Variants in ANAPC1 observed in about 807,000 individuals in gnomAD.
ANAPC1 encodes anaphase promoting complex subunit 1.
A neutral mutation model predicts 208.0 loss-of-function variants in ANAPC1; 36 were observed. The ratio of observed to expected loss-of-function variants is 0.17; its 90% CI spans 0.13 to 0.23. ANAPC1 has a LOEUF of 0.23. Ranked by LOEUF, ANAPC1 falls within the 10% of genes least tolerant of loss-of-function variation. The pLI is 1.00. For synonymous variants in ANAPC1, 378 were observed against 695.2 expected (o/e 0.54, Z 7.18); for missense variants, 942 against 2,011.6 (o/e 0.47, Z 10.17).
At chr2:111,832,937 C>CAAAAAAAAAAAA (rs908553180) in intron 20 of ANAPC1, among the ~76,000 whole-genome samples, 7,409 of 53,136 alleles carry the variant, frequency 0.14, 1,845 homozygotes, top group Non-Finnish European at 0.19. Flanking sequence ...GACTCAGTCT[C>CAAAAAAAAAAAA]AAAAAAAAAA....
At chr2:111,874,891 C>T (rs762362950) in intron 3 of ANAPC1, among the ~76,000 whole-genome samples, 2 of 152,114 alleles carry the variant, frequency 1.3e-5, no homozygotes, top group Non-Finnish European at 2.9e-5. Flanking sequence ...GATTCTAGCT[C>T]GCAGCAGCCT....
chr2:111,874,175 A>T (rs1212057423), intron 3 of ANAPC1, among the ~76,000 whole-genome samples: 1 of 152,214 alleles, frequency 6.6e-6, no homozygotes, highest in Non-Finnish European at 1.5e-5. Flanking sequence ...ATAAACTAGG[A>T]AAAGCTATTA....
At chr2:111,880,995 G>C in intron 1 of ANAPC1, 146 bp from the exon 2 acceptor site, 1 of 679,278 alleles carries the variant, frequency 1.5e-6, no homozygotes. Context: ...TAACATAAAA[G>C]GGCATTCTAG....
intron 42 of ANAPC1, among the ~76,000 whole-genome samples, chr2:111,783,410 CTG>C (rs1215975787): frequency 5.7e-4 from 85 of 150,004 alleles, no homozygotes; most frequent in African/African-American, 7.3e-4. Context: ...TTGCACCTCT[CTG>C]TCTCTCTCTT....
chr2:111,862,213 T>C (rs928387596), intron 10 of ANAPC1, among the ~76,000 whole-genome samples, 176 bp downstream of exon 10: 1 of 152,184 alleles, frequency 6.6e-6, no homozygotes, highest in Non-Finnish European at 1.5e-5. Flanking sequence ...CTATGATCAC[T>C]TTAATATCAT....
intron 17 of ANAPC1, among the ~76,000 whole-genome samples, chr2:111,842,110 G>A (rs1680796499): frequency 6.6e-6 from 1 of 152,156 alleles, no homozygotes. Flanking sequence ...GAAAACAACA[G>A]ATTCACAAGG....
At chr2:111,818,594 ACT>A (rs1234618053) in intron 27 of ANAPC1, among the ~76,000 whole-genome samples, 1 of 152,076 alleles carries the variant, frequency 6.6e-6, no homozygotes, top group Admixed American at 6.5e-5. Flanking sequence ...TCTCCAAGTG[ACT>A]TTTTAGATCT....
At chr2:111,864,777 A>G (rs1573495192) in intron 8 of ANAPC1, 29 bp downstream of exon 8, 1 of 1,609,450 alleles carries the variant, frequency 6.2e-7, no homozygotes, top group Non-Finnish European at 8.5e-7. Flanking sequence ...CTTTCCTATT[A>G]AGGAGAAGTG....
intron 20 of ANAPC1, among the ~76,000 whole-genome samples, chr2:111,831,649 C>T (rs1444023584): frequency 1.3e-5 from 2 of 151,608 alleles, no homozygotes; most frequent in Non-Finnish European, 2.9e-5. Flanking sequence ...ACAGCCTGGC[C>T]AATATGGTGA....
chr2:111,830,552 G>A (rs1273011049), intron 21 of ANAPC1, among the ~76,000 whole-genome samples: 4 of 152,056 alleles, frequency 2.6e-5, no homozygotes, highest in Non-Finnish European at 5.9e-5. Context: ...GCTCTTTGAT[G>A]TATTAAGAGA....
chr2:111,845,900 G>A (rs185124256), intron 16 of ANAPC1, among the ~76,000 whole-genome samples: 3,278 of 151,210 alleles, frequency 0.022, 112 homozygotes, highest in African/African-American at 0.074. Flanking sequence ...GCATGAACCC[G>A]GGAGGCGGAG....
rs781223336 is a variant in ANAPC1 at position 111,856,606 on chromosome 2, T to C, written c.1515+8A>G. ...TACTAAAGGCATGAAGTGCTACTTATTGCTTACCCGAACCACTCCTGTGTA... is the reference window on the plus strand; with the variant it reads ...TACTAAAGGCATGAAGTGCTACTTACTGCTTACCCGAACCACTCCTGTGTA... On this transcript the variant is annotated splice_region_variant and intron_variant, in intron 13 of 47. Coordinates refer to ENST00000341068, the MANE Select transcript of ANAPC1 (RefSeq NM_022662.4). 11 of 1,612,196 alleles carry C rather than the reference T, an allele frequency of 6.8e-6. No individual in the cohort carries two copies. Among genetic ancestry groups the C allele is most frequent in the African/African-American group, 2.7e-5 (2 of 74,872 alleles).
chr2:111,863,114 A>G (rs1479003345), intron 9 of ANAPC1, among the ~76,000 whole-genome samples: 7 of 152,190 alleles, frequency 4.6e-5, no homozygotes, highest in Non-Finnish European at 8.8e-5. Flanking sequence ...TGTTGCCCAC[A>G]TAGTGGTAGA....
intron 17 of ANAPC1, among the ~76,000 whole-genome samples, chr2:111,841,853 C>A (rs925784692): frequency 2.0e-5 from 3 of 150,448 alleles, no homozygotes; most frequent in African/African-American, 7.5e-5. Context: ...TTGAAAAAAA[C>A]ATTCCCATTT....
chr2:111,865,837 G>T, intron 7 of ANAPC1: 1 of 189,190 alleles, frequency 5.3e-6, no homozygotes, highest in South Asian at 1.0e-4. Flanking sequence ...TGCCAAAAAG[G>T]GGCACAGCCA....
chr2:111,831,953 C>T (rs1381857031), intron 20 of ANAPC1, among the ~76,000 whole-genome samples: 1 of 148,122 alleles, frequency 6.8e-6, no homozygotes, highest in Admixed American at 6.8e-5. Context: ...TTTTATCCCA[C>T]CCTGGATGGA....
chr2:111,850,462 ACT>A (rs1247979220), intron 14 of ANAPC1, among the ~76,000 whole-genome samples: 1 of 151,866 alleles, frequency 6.6e-6, no homozygotes, highest in East Asian at 1.9e-4. Flanking sequence ...CAACGATGGT[ACT>A]CTCTTTTCCA....
chr2:111,767,106 C>A (rs544191943), downstream of ANAPC1: 1 of 386,506 alleles, frequency 2.6e-6, no homozygotes, highest in Non-Finnish European at 5.3e-6. Flanking sequence ...GCGATGATAC[C>A]TATTTCTATC....
intron 17 of ANAPC1, among the ~76,000 whole-genome samples, chr2:111,841,747 A>C (rs897545792): frequency 2.0e-5 from 3 of 152,204 alleles, no homozygotes; most frequent in African/African-American, 4.8e-5. Context: ...ATCAAACAGG[A>C]TTACTGTGGC....
Sources: gnomAD v4.1 joint callset for allele counts (sites outside exome capture counted in the v4.1 genomes callset) on GRCh38, gnomAD v4.1.1 for gene constraint, MANE v1.5 for transcripts, NCBI Gene and HGNC (gene_info 2026-07-23, HGNC 2026-07-21) for gene names.